The following APEX1 variants were observed in gnomAD, a reference collection of about 807,000 sequenced individuals.
APEX1 encodes the protein apurinic/apyrimidinic endodeoxyribonuclease 1, also known as DNA repair nuclease/redox regulator APEX1.
In APEX1, 32 loss-of-function variants were observed where a neutral mutation model predicts 33.2. That is an observed-to-expected ratio of 0.96 (90% CI 0.73 to 1.29). APEX1 has a LOEUF of 1.29. APEX1 is among the 50% of genes most tolerant of loss of function. The pLI, the probability that APEX1 is intolerant of heterozygous loss-of-function variation, is 0.00. For missense variants in APEX1, 442 were observed against 395.6 expected, an observed-to-expected ratio of 1.12 and a Z score of -0.99; for synonymous variants, 175 against 156.6, an observed-to-expected ratio of 1.12 and a Z score of -0.88.
chr14:20,456,316 G>C (rs910354595), intron 3 of APEX1, among the ~76,000 whole-genome samples: 4 of 152,140 alleles, frequency 2.6e-5, no homozygotes, highest in African/African-American at 9.6e-5. Flanking sequence ...CCTCTTCCCA[G>C]AATGTTGCAA....
intron 2 of APEX1, 56 bp downstream of exon 2, chr14:20,455,759 T>C (rs375789982): frequency 2.0e-5 from 32 of 1,613,994 alleles, no homozygotes; most frequent in East Asian, 1.8e-4. Flanking sequence ...GTGTTTGTCA[T>C]TCCCTTGATG....
Position 20,457,364 on chromosome 14 carries a change from G to A in APEX1, c.813G>A (p.Met271Ile). 1.2e-6 allele frequency: 2 copies of A among 1,614,202 alleles called. No homozygotes were observed. The highest frequency in any genetic ancestry group is 1.1e-5 in the South Asian group (1 of 91,088). The change falls in exon 5 of 5, where the codon ATG becomes ATA. Residue 271 changes from methionine (M) to isoleucine (I), a missense_variant. Met to Ile is a conservative substitution (Grantham distance 10). Transcript: ENST00000216714. The stretch of plus-strand genomic sequence containing the variant: ...CCTACACCTTTTGGACTTATATGAT[G>A]AATGCTCGATCCAAGAATGTTGGTT... ...PYAYTFWTYMMNARSKNVGWR... is the reference protein window; with the variant it reads ...PYAYTFWTYMINARSKNVGWR...
intron 3 of APEX1, among the ~76,000 whole-genome samples, chr14:20,456,327 A>G (rs1178570329): frequency 1.3e-5 from 2 of 152,064 alleles, no homozygotes; most frequent in Non-Finnish European, 2.9e-5. Context: ...AATGTTGCAA[A>G]AACCTCTTCA....
At chr14:20,456,923 T>C (rs543500969) in intron 4 of APEX1, 63 bp downstream of exon 4, 1 of 1,603,284 alleles carries the variant, frequency 6.2e-7, no homozygotes, top group African/African-American at 1.3e-5. Flanking sequence ...TCTCTATCTC[T>C]GCCCCACCTC....
rs1393126543 is a variant in APEX1 at position 20,457,399 on chromosome 14, A to G, written c.848A>G (p.Asp283Gly). 6.2e-7 allele frequency: 1 copy of G among 1,614,038 alleles called. No homozygotes were observed. Among genetic ancestry groups the G allele is most frequent in the African/African-American group, 1.3e-5 (1 of 74,906 alleles). The change falls in exon 5 of 5, where the codon GAT becomes GGT. Residue 283 changes from aspartate to glycine, a missense_variant. Coordinates refer to ENST00000216714, the MANE Select transcript of APEX1 (RefSeq NM_001641.4). The stretch of plus-strand genomic sequence containing the variant: ...TCCAAGAATGTTGGTTGGCGCCTTG[A>G]TTACTTTTTGTTGTCCCACTCTCTG... ...ARSKNVGWRLDYFLLSHSLLP... is the reference protein window; with the variant it reads ...ARSKNVGWRLGYFLLSHSLLP...
At position 20,456,821 on chromosome 14, in the gene APEX1, C is replaced by G; in HGVS notation, c.400C>G (p.Leu134Val). The change falls in exon 4 of 5, where the codon CTT (leucine) becomes GTT (valine). Residue 134 changes from leucine to valine, a missense_variant. Transcript: ENST00000216714. ...GGAAGGGTACAGTGGCGTGGGCCTG[C>G]TTTCCCGCCAGTGCCCACTCAAAGT... ...DKEGYSGVGL[L>V]SRQCPLKVSY... 1 of 1,613,972 alleles carries G rather than the reference C, an allele frequency of 6.2e-7. No homozygotes were observed. The highest frequency in any genetic ancestry group is 1.7e-5 in the Admixed American group (1 of 60,014).
At position 20,455,704 on chromosome 14, in the gene APEX1, G is replaced by T; in HGVS notation, c.58+1G>T. On this transcript the variant is annotated splice_donor_variant, in intron 2 of 4. Coordinates refer to ENST00000216714, the MANE Select transcript of APEX1 (RefSeq NM_001641.4). LOFTEE classifies it high-confidence loss of function. ...GAAGACGGGGATGAGCTCAGGACAG[G>T]TAAGGGAATGAAATCAGCCCTTCTT... is the stretch of plus-strand genomic sequence containing the variant. The T allele has an allele frequency of 1.9e-6, 3 of 1,614,200 alleles. No individual in the cohort carries two copies. Among genetic ancestry groups the T allele is most frequent in the Non-Finnish European group, 2.5e-6 (3 of 1,180,040 alleles).
chr14:20,457,631 C>T lies in APEX1; in HGVS notation c.*123C>T, dbSNP rs1401880520. On this transcript the variant is annotated 3_prime_UTR_variant, in exon 5 of 5. Coordinates refer to ENST00000216714, the MANE Select transcript of APEX1 (RefSeq NM_001641.4). ...TGTATAAAACTAGGAATCCTCCAAC[C>T]AGGCTCCTGTGATAGAGTTCTTTTA... The T allele has an allele frequency of 7.2e-7, 1 of 1,380,766 alleles. No homozygotes were observed. The highest frequency in any genetic ancestry group is 1.0e-6 in the Non-Finnish European group (1 of 983,074). 85.5% of individuals were successfully genotyped at this position (1,380,766 alleles called of 1,614,324 possible).
chr14:20,457,660 C>T lies in APEX1; in HGVS notation c.*152C>T, dbSNP rs1881475411. 2 of 1,107,956 alleles carry T rather than the reference C, an allele frequency of 1.8e-6. No individual in the cohort carries two copies. The highest frequency in any genetic ancestry group is 1.6e-5 in the African/African-American group (1 of 63,100). The allele number at this position is 1,107,956 out of a possible 1,614,324, so 68.6% of individuals were successfully genotyped here. On this transcript the variant is annotated 3_prime_UTR_variant, in exon 5 of 5. Transcript: ENST00000216714. Reference sequence around the variant, plus strand: ...CTCCTGTGATAGAGTTCTTTTAAGCCCAAGATTTTTTATTTGAGGGTTTTT... The same window carrying T: ...CTCCTGTGATAGAGTTCTTTTAAGCTCAAGATTTTTTATTTGAGGGTTTTT...
In APEX1 at chr14:20,457,472, T is replaced by C. The variant is rs1235642644; in HGVS notation, c.921T>C (p.Ser307=). The change falls in exon 5 of 5, where the codon AGT becomes AGC. Residue 307 remains serine (S), a synonymous_variant. Coordinates refer to ENST00000216714, the MANE Select transcript of APEX1 (RefSeq NM_001641.4). ...AGATCCGTTCCAAGGCCCTCGGCAG[T>C]GATCACTGTCCTATCACCCTATACC... The part of the protein sequence containing the change: ...DSKIRSKALG[S]DHCPITLYLA... The C allele has an allele frequency of 6.2e-7, 1 of 1,614,104 alleles. No homozygotes were observed. Among genetic ancestry groups the C allele is most frequent in the Non-Finnish European group, 8.5e-7 (1 of 1,180,050 alleles).
chr14:20,456,798 A>G lies in APEX1; in HGVS notation c.377A>G (p.Glu126Gly), dbSNP rs760384271. The G allele has an allele frequency of 7.4e-6, 12 of 1,614,124 alleles. No homozygotes were observed. The highest frequency in any genetic ancestry group is 8.5e-6 in the Non-Finnish European group (10 of 1,180,052). The change falls in exon 4 of 5, where the codon GAA becomes GGA. Residue 126 changes from glutamate (E) to glycine (G), a missense_variant. Physicochemically the swap from Glu to Gly is moderately conservative, Grantham distance 98 (BLOSUM62 -2). Coordinates refer to ENST00000216714, the MANE Select transcript of APEX1 (RefSeq NM_001641.4). ...HQYWSAPSDK[E>G]GYSGVGLLSR... ...TACTGGTCAGCTCCTTCGGACAAGG[A>G]AGGGTACAGTGGCGTGGGCCTGCTT...
Position 20,455,695 on chromosome 14 carries a change from T to C in APEX1, c.50T>C (p.Leu17Pro), listed in dbSNP as rs367585418. ...GCGGTGGCGGAAGACGGGGATGAGCTCAGGACAGGTAAGGGAATGAAATCA... is the reference window on the plus strand; with the variant it reads ...GCGGTGGCGGAAGACGGGGATGAGCCCAGGACAGGTAAGGGAATGAAATCA... ...KGAVAEDGDE[L>P]RTEPEAKKSK... is the part of the protein sequence containing the mutation. Residue 17 changes from leucine (L) to proline (P), a missense_variant, in exon 2 of 5, where the codon CTC (leucine) becomes CCC (proline). Transcript: ENST00000216714. The C allele has an allele frequency of 7.9e-5, 127 of 1,614,024 alleles. 4 individuals carry two copies. The highest frequency in any genetic ancestry group is 6.7e-4 in the East Asian group (30 of 44,878).
In APEX1 at chr14:20,455,601, C is replaced by A. The variant is rs1027965485; in HGVS notation, c.-45C>A. ...AGGCAACGCGGTAAAAATATTGCTT[C>A]GGTGGGTGACGCGGTACAGCTGCCC... On this transcript the variant is annotated 5_prime_UTR_variant, in exon 2 of 5. Transcript: ENST00000216714. The A allele has an allele frequency of 1.2e-6, 2 of 1,612,254 alleles. No homozygotes were observed. Among genetic ancestry groups the A allele is most frequent in the African/African-American group, 1.3e-5 (1 of 74,838 alleles).
chr14:20,456,679 A>G lies in APEX1; in HGVS notation c.258A>G (p.Glu86=). 2 of 1,614,042 alleles carry G rather than the reference A, an allele frequency of 1.2e-6. No homozygotes were observed. Among genetic ancestry groups the G allele is most frequent in the Non-Finnish European group, 1.7e-6 (2 of 1,179,884 alleles). ...IKKKGLDWVK[E]EAPDILCLQE... is the part of the protein sequence containing the mutation. Reference sequence around the variant, plus strand: ...CTTTTCACTTACAGTGGGTAAAGGAAGAAGCCCCAGATATACTGTGCCTTC... The same window carrying G: ...CTTTTCACTTACAGTGGGTAAAGGAGGAAGCCCCAGATATACTGTGCCTTC... Residue 86 remains glutamate, a synonymous_variant, in exon 4 of 5, where the codon GAA becomes GAG. Coordinates refer to ENST00000216714, the MANE Select transcript of APEX1 (RefSeq NM_001641.4).
At chr14:20,455,476 A>C in intron 1 of APEX1, 82 bp downstream of exon 1, 2 of 1,061,874 alleles carry the variant, frequency 1.9e-6, no homozygotes, top group Non-Finnish European at 2.8e-6. Context: ...GAAAGGATTT[A>C]GAGATAACGT....
At chr14:20,456,925 C>T (rs1881405785) in intron 4 of APEX1, 65 bp downstream of exon 4, 6 of 1,602,894 alleles carry the variant, frequency 3.7e-6, no homozygotes, top group Admixed American at 3.5e-5. Context: ...TCTATCTCTG[C>T]CCCACCTCTT....
At position 20,456,013 on chromosome 14, in the gene APEX1, CCT is replaced by C; in HGVS notation, c.160_161del (p.Ser54ThrfsTer23). On this transcript the variant is annotated frameshift_variant, in exon 3 of 5. Coordinates refer to ENST00000216714, the MANE Select transcript of APEX1 (RefSeq NM_001641.4). LOFTEE classifies it high-confidence loss of function. Reference sequence around the variant, plus strand: ...TATGAGGACCCCCCAGATCAGAAAACCTCACCCAGTGGCAAACCTGCCACACT... The same window carrying C: ...TATGAGGACCCCCCAGATCAGAAAACCACCCAGTGGCAAACCTGCCACACT... 3 of 1,614,180 alleles carry C rather than the reference CCT, an allele frequency of 1.9e-6. No individual in the cohort carries two copies. The highest frequency in any genetic ancestry group is 2.5e-6 in the Non-Finnish European group (3 of 1,180,032).
At position 20,457,613 on chromosome 14, in the gene APEX1, A is replaced by G; in HGVS notation, c.*105A>G. The G allele has an allele frequency of 2.0e-6, 3 of 1,468,120 alleles. 1 individual carries two copies. Among genetic ancestry groups the G allele is most frequent in the Non-Finnish European group, 2.8e-6 (3 of 1,060,250 alleles). The allele number at this position is 1,468,120 out of a possible 1,614,324, so 90.9% of individuals were successfully genotyped here. A position where few individuals can be genotyped will look rare whatever the true frequency, so the allele number is the denominator to read the frequency against. On this transcript the variant is annotated 3_prime_UTR_variant, in exon 5 of 5. Transcript: ENST00000216714. ...TCTGCATTCTATTTCTCATGTATAA[A>G]ACTAGGAATCCTCCAACCAGGCTCC...
Position 20,457,106 on chromosome 14 carries a change from G to A in APEX1, c.555G>A (p.Arg185=). 6.2e-7 allele frequency: 1 copy of A among 1,614,190 alleles called. No individual in the cohort carries two copies. The highest frequency in any genetic ancestry group is 1.7e-5 in the Admixed American group (1 of 60,016). ...AGRGLVRLEY[R]QRWDEAFRKF... is the part of the protein sequence containing the mutation. ...GAGGTCTGGTACGACTGGAGTACCG[G>A]CAGCGCTGGGATGAAGCCTTTCGCA... Residue 185 remains arginine, a synonymous_variant, in exon 5 of 5, where the codon CGG becomes CGA. Transcript: ENST00000216714.
Sources: allele counts gnomAD v4.1 joint callset (sites outside exome capture counted in the v4.1 genomes callset), GRCh38; gene constraint gnomAD v4.1.1; transcripts MANE v1.5; gene names NCBI Gene and HGNC (gene_info 2026-07-23, HGNC 2026-07-21).